SLC28A1: variants seen among roughly 807,000 people sequenced by gnomAD.
The protein encoded by SLC28A1 is sodium/nucleoside cotransporter 1.
SLC28A1 carries 64 observed loss-of-function variants against 74.8 expected under a neutral mutation model. The ratio of observed to expected loss-of-function variants is 0.86; its 90% CI spans 0.70 to 1.05. The LOEUF (loss-of-function observed/expected upper bound fraction) is 1.05. Ranked by LOEUF, SLC28A1 falls within the 50% of genes least tolerant of loss-of-function variation. The pLI, the probability that SLC28A1 is intolerant of heterozygous loss-of-function variation, is 0.00. For missense variants in SLC28A1, 828 were observed against 822.8 expected, an observed-to-expected ratio of 1.01 and a Z score of -0.08; for synonymous variants, 359 against 335.0, an observed-to-expected ratio of 1.07 and a Z score of -0.78.
At chr15:84,948,328 G>A (rs993506670), downstream of SLC28A1, among the ~76,000 whole-genome samples, 18 of 152,120 alleles carry the variant, frequency 1.2e-4, no homozygotes, top group African/African-American at 3.9e-4. Context: ...ACATCATTTT[G>A]AGGGTGTCTA....
chr15:84,895,700 G>T, intron 6 of SLC28A1: 1 of 1,378,494 alleles, frequency 7.3e-7, no homozygotes, highest in Non-Finnish European at 9.4e-7. Context: ...TCACCAGGCA[G>T]CTCTAAATTT....
chr15:84,936,018 G>C (rs1400318131), intron 15 of SLC28A1, among the ~76,000 whole-genome samples: 1 of 121,868 alleles, frequency 8.2e-6, no homozygotes, highest in Non-Finnish European at 1.6e-5. Flanking sequence ...GCAGTGGCTC[G>C]ATCTCGGCTC....
chr15:84,895,730 G>T, intron 6 of SLC28A1: 5 of 1,286,204 alleles, frequency 3.9e-6, no homozygotes, highest in Non-Finnish European at 4.9e-6. Context: ...ATAAGCCAAG[G>T]TTCACACAAA....
At chr15:84,938,776 C>T (rs1972285318) in intron 15 of SLC28A1, among the ~76,000 whole-genome samples, 3 of 151,850 alleles carry the variant, frequency 2.0e-5, no homozygotes, top group African/African-American at 4.8e-5. Context: ...AGGGCAGGGT[C>T]TTCCTTGGCT....
downstream of SLC28A1, among the ~76,000 whole-genome samples, chr15:84,948,254 A>G (rs2079300388): frequency 6.6e-6 from 1 of 152,194 alleles, no homozygotes; most frequent in South Asian, 2.1e-4. Flanking sequence ...CATGAAGAAT[A>G]TCATCTGCTT....
intron 12 of SLC28A1, among the ~76,000 whole-genome samples, chr15:84,926,800 G>A (rs1352592279): frequency 1.8e-5 from 2 of 108,868 alleles, no homozygotes; most frequent in Non-Finnish European, 4.0e-5. Flanking sequence ...GGGGGTGGGG[G>A]GAGGGGGGGG....
intron 13 of SLC28A1, among the ~76,000 whole-genome samples, 190 bp downstream of exon 13, chr15:84,933,465 A>C (rs1017812055): frequency 3.3e-5 from 5 of 152,130 alleles, no homozygotes; most frequent in African/African-American, 7.2e-5. Flanking sequence ...AGAAATCCTG[A>C]AACTGGGTAC....
intron 9 of SLC28A1, among the ~76,000 whole-genome samples, chr15:84,912,629 A>G (rs1968424945): frequency 6.6e-6 from 1 of 151,680 alleles, no homozygotes; most frequent in Non-Finnish European, 1.5e-5. Flanking sequence ...TCATTCTTTC[A>G]CTATTGTTCT....
chr15:84,947,325 T>C (rs1232543893), downstream of SLC28A1, among the ~76,000 whole-genome samples: 5 of 152,178 alleles, frequency 3.3e-5, no homozygotes, highest in African/African-American at 1.2e-4. Flanking sequence ...TCTCCCAGGA[T>C]TGGCCCTCCG....
At chr15:84,893,870 C>T (rs1363793343) in intron 5 of SLC28A1, among the ~76,000 whole-genome samples, 3 of 152,240 alleles carry the variant, frequency 2.0e-5, no homozygotes, top group Non-Finnish European at 2.9e-5. Context: ...AGTCACAGGG[C>T]TTCACTGCTT....
the SLC28A1 span, among the ~76,000 whole-genome samples, chr15:84,967,902 G>A: frequency 7.9e-5 from 12 of 152,160 alleles, no homozygotes; most frequent in Non-Finnish European, 1.8e-4. Context: ...GTTAGGGACA[G>A]ACGCACTAGA....
intron 9 of SLC28A1, among the ~76,000 whole-genome samples, chr15:84,911,480 T>A (rs1056473009): frequency 5.9e-5 from 9 of 152,186 alleles, no homozygotes; most frequent in African/African-American, 2.2e-4. Flanking sequence ...GATGTATTCT[T>A]CCTCATACTA....
At chr15:84,921,986 A>G (rs1969882701) in intron 11 of SLC28A1, among the ~76,000 whole-genome samples, 1 of 152,212 alleles carries the variant, frequency 6.6e-6, no homozygotes, top group Non-Finnish European at 1.5e-5. Context: ...AGCGCTGCCA[A>G]GGTGAATTCA....
At chr15:84,889,649 C>T (rs10852100) in intron 4 of SLC28A1, among the ~76,000 whole-genome samples, 101,715 of 149,126 alleles carry the variant, frequency 0.68, 34,847 homozygotes, top group South Asian at 0.77. Flanking sequence ...TTTTCTTTTC[C>T]TTTTTCTTTT....
the SLC28A1 span, among the ~76,000 whole-genome samples, chr15:84,957,278 G>GT: frequency 6.6e-6 from 1 of 151,902 alleles, no homozygotes; most frequent in Non-Finnish European, 1.5e-5. Flanking sequence ...GTTTTGTTTT[G>GT]TTTTTTGAGA....
chr15:84,961,143 T>C, the SLC28A1 span, among the ~76,000 whole-genome samples: 1 of 152,154 alleles, frequency 6.6e-6, no homozygotes, highest in Non-Finnish European at 1.5e-5. Context: ...ACTCTGATAA[T>C]GCAGGCATTT....
chr15:84,910,474 A>G (rs964712189), intron 9 of SLC28A1, among the ~76,000 whole-genome samples: 2 of 152,214 alleles, frequency 1.3e-5, no homozygotes, highest in Non-Finnish European at 2.9e-5. Context: ...CATGCCTGTA[A>G]TCCTAGCACT....
intron 6 of SLC28A1, chr15:84,895,591 A>G (rs1289014982): frequency 2.7e-5 from 41 of 1,513,568 alleles, no homozygotes; most frequent in Non-Finnish European, 3.5e-5. Flanking sequence ...CTGCTTTTCA[A>G]ACTGGATTCC....
chr15:84,972,797 T>A, the SLC28A1 span, among the ~76,000 whole-genome samples: 6 of 152,346 alleles, frequency 3.9e-5, no homozygotes, highest in Non-Finnish European at 8.8e-5. Context: ...AATGCCCCCA[T>A]GAATTCAATA....
Sources: allele counts gnomAD v4.1 joint callset (sites outside exome capture counted in the v4.1 genomes callset), GRCh38; gene constraint gnomAD v4.1.1; transcripts MANE v1.5; gene names NCBI Gene and HGNC (gene_info 2026-07-23, HGNC 2026-07-21).